The following EIF3H variants were observed in gnomAD, a reference collection of about 807,000 sequenced individuals.
The protein encoded by EIF3H is eukaryotic translation initiation factor 3 subunit H.
A neutral mutation model predicts 44.2 loss-of-function variants in EIF3H; 26 were observed. The observed-to-expected ratio is 0.59, with a 90% CI of 0.43 to 0.82. The LOEUF (loss-of-function observed/expected upper bound fraction) is 0.82. Ranked by LOEUF, EIF3H falls within the 40% of genes least tolerant of loss-of-function variation. The pLI, the probability that EIF3H is intolerant of heterozygous loss-of-function variation, is 0.00. For missense variants in EIF3H, 359 were observed against 432.8 expected (o/e 0.83, Z 1.51); for synonymous variants, 166 against 151.9 (o/e 1.09, Z -0.68).
chr8:116,693,304 C>G (rs560362392), intron 2 of EIF3H, among the ~76,000 whole-genome samples: 3 of 152,290 alleles, frequency 2.0e-5, no homozygotes, highest in Admixed American at 2.0e-4. Flanking sequence ...TTAGCAACTG[C>G]TTGTTAGCTC....
chr8:116,738,489 C>A lies in EIF3H; in HGVS notation c.133-12317G>T, dbSNP rs564000093. ...TATACAAATTGCCAGAAAATATGCACATATACACACACCATCAACATAAAG... is the reference window on the plus strand; with the variant it reads ...TATACAAATTGCCAGAAAATATGCAAATATACACACACCATCAACATAAAG... On this transcript the variant is annotated intron_variant, in intron 1 of 7. Coordinates refer to ENST00000521861, the MANE Select transcript of EIF3H (RefSeq NM_003756.3). 6.8e-4 allele frequency among the ~76,000 whole-genome samples: 103 copies of A among 152,290 alleles called. 1 individual carries two copies. Among genetic ancestry groups the A allele is most frequent in the Non-Finnish European group, 9.0e-4 (61 of 68,040 alleles).
Position 116,749,387 on chromosome 8 carries a change from G to A in EIF3H, c.132+6279C>T, listed in dbSNP as rs149951544. ...CACCTGATTGTGTAGGTCAGGAGAG[G>A]GGCCTGAGATTCTGTGATACGTATG... On this transcript the variant is annotated intron_variant, in intron 1 of 7. Coordinates refer to ENST00000521861, the MANE Select transcript of EIF3H (RefSeq NM_003756.3). Among the ~76,000 whole-genome samples the A allele has an allele frequency of 2.8e-3, 427 of 151,778 alleles. 1 individual carries two copies. The highest frequency in any genetic ancestry group is 5.5e-3 in the Non-Finnish European group (375 of 67,850).
chr8:116,657,659 T>C (rs1813514129), intron 3 of EIF3H: 1 of 218,354 alleles, frequency 4.6e-6, no homozygotes, highest in Non-Finnish European at 8.9e-6. Context: ...AGGAAATCAC[T>C]GATAAATATT....
At chr8:116,697,279 G>A in intron 2 of EIF3H, 1 of 441,188 alleles carries the variant, frequency 2.3e-6, no homozygotes. Context: ...TAGATTTTTA[G>A]GGGTTTTCTT....
intron 2 of EIF3H, among the ~76,000 whole-genome samples, chr8:116,687,533 G>A (rs1814096934): frequency 1.3e-5 from 2 of 151,950 alleles, no homozygotes; most frequent in Admixed American, 1.3e-4. Context: ...TTTCATTACT[G>A]TATCACATAA....
In EIF3H at chr8:116,743,789, T is replaced by C. The variant is rs1306066517; in HGVS notation, c.132+11877A>G. 4.8e-4 allele frequency among the ~76,000 whole-genome samples: 43 copies of C among 89,028 alleles called. 1 individual carries two copies. Among genetic ancestry groups the C allele is most frequent in the African/African-American group, 1.4e-3 (28 of 19,746 alleles). The allele number at this position is 89,028 out of a possible 152,430, so 58.4% of individuals were successfully genotyped here. ...ACATACATATATATATATATATATA[T>C]ATATATATAAACACACACACACACA... On this transcript the variant is annotated intron_variant, in intron 1 of 7. Coordinates refer to ENST00000521861, the MANE Select transcript of EIF3H (RefSeq NM_003756.3).
chr8:116,655,662 T>A (rs906014713), intron 5 of EIF3H, among the ~76,000 whole-genome samples, 194 bp downstream of exon 5: 6 of 152,178 alleles, frequency 3.9e-5, no homozygotes, highest in Non-Finnish European at 7.3e-5. Context: ...TAATGTGTTG[T>A]TTCATGTTAT....
intron 3 of EIF3H, 48 bp from the exon 4 acceptor site, chr8:116,657,362 A>T: frequency 1.4e-6 from 2 of 1,413,988 alleles, no homozygotes; most frequent in Non-Finnish European, 2.0e-6. Context: ...TGTCACTGCC[A>T]GGCTTGAATG....
At chr8:116,657,482 T>C (rs1031045361) in intron 3 of EIF3H, 168 bp from the exon 4 acceptor site, 1 of 600,252 alleles carries the variant, frequency 1.7e-6, no homozygotes, top group Admixed American at 3.1e-5. Flanking sequence ...CTATTGCAAA[T>C]AGCACTTGAA....
upstream of EIF3H, chr8:116,755,987 T>A (rs1383857595): frequency 6.5e-7 from 1 of 1,536,136 alleles, no homozygotes; most frequent in Admixed American, 2.0e-5. Flanking sequence ...GCATGCCTAC[T>A]GTACATTTTC....
At chr8:116,762,858 C>T (rs1379583600) in intron 1 of EIF3H, among the ~76,000 whole-genome samples, 4 of 152,168 alleles carry the variant, frequency 2.6e-5, no homozygotes, top group East Asian at 1.9e-4. Context: ...GCAGGAGAAT[C>T]GCTTGAACCC....
chr8:116,714,814 T>C (rs1046534392), intron 2 of EIF3H, among the ~76,000 whole-genome samples: 1 of 152,166 alleles, frequency 6.6e-6, no homozygotes, highest in South Asian at 2.1e-4. Flanking sequence ...AGTAAACACA[T>C]GTCTATTCAC....
At chr8:116,689,715 T>C (rs965789183) in intron 2 of EIF3H, among the ~76,000 whole-genome samples, 3 of 152,156 alleles carry the variant, frequency 2.0e-5, no homozygotes, top group African/African-American at 7.2e-5. Flanking sequence ...TACAAGTTCA[T>C]TAATCAAAGT....
Position 116,752,732 on chromosome 8 carries a change from GAA to G in EIF3H, c.132+2932_132+2933del, listed in dbSNP as rs1563663051. On this transcript the variant is annotated intron_variant, in intron 1 of 7. Transcript: ENST00000521861. The stretch of plus-strand genomic sequence containing the variant: ...AGAAAGAAAGAAAGAAAGAAAGAAA[GAA>G]GAGAAAGAAAGAAAGAAAGAGGGAG... Among the ~76,000 whole-genome samples, 8 of 109,038 alleles carry G rather than the reference GAA, an allele frequency of 7.3e-5. 1 individual carries two copies. The East Asian group carries it at 1.8e-3, about 24-fold the overall frequency. The allele number at this position is 109,038 out of a possible 152,430, so 71.5% of individuals were successfully genotyped here. A position where few individuals can be genotyped will look rare whatever the true frequency, so the allele number is the denominator to read the frequency against.
At chr8:116,690,176 A>G (rs1239934756) in intron 2 of EIF3H, among the ~76,000 whole-genome samples, 3 of 152,196 alleles carry the variant, frequency 2.0e-5, no homozygotes, top group Non-Finnish European at 4.4e-5. Flanking sequence ...AAGTGAAAGC[A>G]AAGAGCTAGC....
intron 2 of EIF3H, among the ~76,000 whole-genome samples, chr8:116,713,250 G>A (rs199718054): frequency 5.3e-5 from 8 of 151,920 alleles, no homozygotes; most frequent in African/African-American, 9.7e-5. Context: ...CAAATCTTAC[G>A]GTATTACTTT....
chr8:116,726,393 T>C (rs1351433242), intron 1 of EIF3H, among the ~76,000 whole-genome samples: 1 of 152,178 alleles, frequency 6.6e-6, no homozygotes, highest in Non-Finnish European at 1.5e-5. Context: ...TTTGATTACA[T>C]GTCAAAAACG....
At chr8:116,762,369 C>T (rs1046463422) in intron 1 of EIF3H, among the ~76,000 whole-genome samples, 1 of 152,144 alleles carries the variant, frequency 6.6e-6, no homozygotes, top group Non-Finnish European at 1.5e-5. Flanking sequence ...CAGTTGCGAG[C>T]GATCCAAGCT....
intron 2 of EIF3H, among the ~76,000 whole-genome samples, chr8:116,714,319 G>C (rs764445912): frequency 6.6e-6 from 1 of 152,010 alleles, no homozygotes; most frequent in Non-Finnish European, 1.5e-5. Flanking sequence ...AGTCATCCCC[G>C]AAAGGAATTA....
Sources: allele counts gnomAD v4.1 joint callset (sites outside exome capture counted in the v4.1 genomes callset), GRCh38; gene constraint gnomAD v4.1.1; transcripts MANE v1.5; gene names NCBI Gene and HGNC (gene_info 2026-07-23, HGNC 2026-07-21).